The following CLASP1 variants were observed in gnomAD, a reference collection of about 807,000 sequenced individuals.
CLASP1 encodes the protein CLIP-associating protein 1.
CLASP1 carries 38 observed loss-of-function variants against 192.3 expected under a neutral mutation model. The ratio of observed to expected loss-of-function variants is 0.20; its 90% CI spans 0.15 to 0.26. The LOEUF (loss-of-function observed/expected upper bound fraction) is 0.26. Ranked by LOEUF, CLASP1 falls within the 10% of genes least tolerant of loss-of-function variation. CLASP1 has a pLI of 1.00. For synonymous variants in CLASP1, 691 were observed against 712.8 expected (o/e 0.97, Z 0.49); for missense variants, 1,433 against 1,932.5 (o/e 0.74, Z 4.85).
At chr2:121,380,557 G>A (rs2071398537) in intron 33 of CLASP1, among the ~76,000 whole-genome samples, 2 of 152,186 alleles carry the variant, frequency 1.3e-5, no homozygotes, top group South Asian at 4.1e-4. Flanking sequence ...TCGTGGGGAG[G>A]GAGGAGAACA....
chr2:121,617,801 C>G (rs573424546), intron 1 of CLASP1, among the ~76,000 whole-genome samples: 5 of 152,200 alleles, frequency 3.3e-5, no homozygotes, highest in Non-Finnish European at 5.9e-5. Context: ...TCACACTGCT[C>G]ACTCCAAAAT....
chr2:121,527,922 A>G (rs2094615494), intron 4 of CLASP1, 32 bp from the exon 5 acceptor site: 2 of 1,556,952 alleles, frequency 1.3e-6, no homozygotes, highest in Non-Finnish European at 1.8e-6. Flanking sequence ...TGAGGAAAGG[A>G]GAAGACTGCT....
At chr2:121,558,390 C>T (rs1412136225) in intron 2 of CLASP1, among the ~76,000 whole-genome samples, 2 of 152,132 alleles carry the variant, frequency 1.3e-5, no homozygotes, top group East Asian at 1.9e-4. Flanking sequence ...GAATGTGCCC[C>T]CCCAAATTTC....
At chr2:121,616,075 T>C (rs930414923) in intron 1 of CLASP1, among the ~76,000 whole-genome samples, 10 of 152,120 alleles carry the variant, frequency 6.6e-5, no homozygotes, top group African/African-American at 2.2e-4. Context: ...CAAGAAGCCT[T>C]AATAAAATAA....
At chr2:121,354,082 C>A (rs1027366790) in intron 37 of CLASP1, among the ~76,000 whole-genome samples, 1 of 152,160 alleles carries the variant, frequency 6.6e-6, no homozygotes, top group Non-Finnish European at 1.5e-5. Flanking sequence ...CCCAGGCCAG[C>A]GTACATATTT....
chr2:121,640,897 G>A (rs72956549), intron 1 of CLASP1, among the ~76,000 whole-genome samples: 5,824 of 152,236 alleles, frequency 0.038, 158 homozygotes, highest in East Asian at 0.14. Flanking sequence ...CTGGCAAATG[G>A]TGAGTGTTCT....
At chr2:121,380,871 G>A (rs934115319) in intron 33 of CLASP1, among the ~76,000 whole-genome samples, 1 of 152,206 alleles carries the variant, frequency 6.6e-6, no homozygotes, top group Non-Finnish European at 1.5e-5. Context: ...GTGTATGTAT[G>A]TGAAAGATGA....
intron 2 of CLASP1, among the ~76,000 whole-genome samples, chr2:121,536,862 T>C (rs529960639): frequency 1.1e-4 from 16 of 152,216 alleles, no homozygotes; most frequent in African/African-American, 2.2e-4. Flanking sequence ...GAAAGAGACG[T>C]TGGTGATGGT....
chr2:121,369,741 C>G (rs1352709538), intron 34 of CLASP1, among the ~76,000 whole-genome samples: 1 of 152,204 alleles, frequency 6.6e-6, no homozygotes, highest in African/African-American at 2.4e-5. Flanking sequence ...ACTACCTCTA[C>G]TTGTGTTTTA....
chr2:121,648,833 G>A (rs2073676950), intron 1 of CLASP1, among the ~76,000 whole-genome samples: 1 of 152,238 alleles, frequency 6.6e-6, no homozygotes. Flanking sequence ...CGGCCGCTCC[G>A]CTCGGCGCCG....
chr2:121,555,988 C>CTTTTTTTTTTTTTTTTTTTT (rs34423741), intron 2 of CLASP1, among the ~76,000 whole-genome samples: 1 of 42,372 alleles, frequency 2.4e-5, no homozygotes, highest in African/African-American at 1.1e-4. Context: ...CTACCCACCG[C>CTTTTTTTTTTTTTTTTTTTT]TTTTTTTTTT....
At chr2:121,479,580 C>A (rs1011376172) in intron 8 of CLASP1, among the ~76,000 whole-genome samples, 3 of 152,140 alleles carry the variant, frequency 2.0e-5, no homozygotes, top group Non-Finnish European at 4.4e-5. Context: ...TTAATTTTAA[C>A]CGAAGTTGGA....
intron 34 of CLASP1, among the ~76,000 whole-genome samples, chr2:121,370,457 C>G (rs1421452993): frequency 6.6e-6 from 1 of 152,194 alleles, no homozygotes; most frequent in African/African-American, 2.4e-5. Flanking sequence ...TCCCAAGGAG[C>G]TGGGATTACA....
chr2:121,465,349 A>T (rs1196564818), intron 9 of CLASP1, among the ~76,000 whole-genome samples: 1 of 152,206 alleles, frequency 6.6e-6, no homozygotes, highest in Non-Finnish European at 1.5e-5. Context: ...AATGTACAAA[A>T]ATCACAAGCA....
At chr2:121,435,558 G>C (rs1450766800) in intron 19 of CLASP1, among the ~76,000 whole-genome samples, 1 of 152,196 alleles carries the variant, frequency 6.6e-6, no homozygotes, top group Non-Finnish European at 1.5e-5. Flanking sequence ...ACAGGCGTGA[G>C]CCACCATGCC....
At chr2:121,504,724 G>A (rs2093885033) in intron 7 of CLASP1, among the ~76,000 whole-genome samples, 2 of 152,216 alleles carry the variant, frequency 1.3e-5, no homozygotes, top group African/African-American at 4.8e-5. Context: ...AAATGAGGGG[G>A]ATGAACCAGC....
At chr2:121,630,559 A>G (rs913171678) in intron 1 of CLASP1, among the ~76,000 whole-genome samples, 12 of 152,158 alleles carry the variant, frequency 7.9e-5, no homozygotes, top group African/African-American at 2.7e-4. Context: ...TCAAAAGAGA[A>G]AAGCAAACAA....
chr2:121,474,060 T>G (rs2091230638), intron 8 of CLASP1, among the ~76,000 whole-genome samples: 1 of 152,188 alleles, frequency 6.6e-6, no homozygotes, highest in Admixed American at 6.5e-5. Context: ...TCCTCATATT[T>G]TATTATTTAT....
exon 9 of CLASP1, chr2:121,469,960 T>A (rs758666661): frequency 1.2e-6 from 2 of 1,611,308 alleles, no homozygotes; most frequent in Non-Finnish European, 1.7e-6. Context: ...GAAATTTTTA[T>A]CTGAACAGTA....
Sources: gnomAD v4.1 joint callset for allele counts (sites outside exome capture counted in the v4.1 genomes callset) on GRCh38, gnomAD v4.1.1 for gene constraint, MANE v1.5 for transcripts, NCBI Gene and HGNC (gene_info 2026-07-23, HGNC 2026-07-21) for gene names.